Variants in PBX1 observed in about 807,000 individuals in gnomAD.
The protein encoded by PBX1 is pre-B-cell leukemia transcription factor 1.
Under a neutral mutation model 53.4 loss-of-function variants are expected in PBX1, and 6 were observed. The observed-to-expected ratio is 0.11, with a 90% CI of 0.06 to 0.22. The LOEUF (loss-of-function observed/expected upper bound fraction) is 0.22, where lower values mean the gene tolerates loss of function less well. Ranked by LOEUF, PBX1 falls within the 10% of genes least tolerant of loss-of-function variation. PBX1 has a pLI of 1.00. For missense variants in PBX1, 251 were observed against 551.4 expected (o/e 0.46, Z 5.46); for synonymous variants, 204 against 212.3 (o/e 0.96, Z 0.34).
At chr1:164,663,271 TG>T (rs559631141) in intron 2 of PBX1, among the ~76,000 whole-genome samples, 14 of 151,728 alleles carry the variant, frequency 9.2e-5, no homozygotes, top group African/African-American at 3.2e-4. Flanking sequence ...CCTGCCTGCC[TG>T]CCTGCCTGCC....
chr1:164,593,154 C>T (rs1186353060), intron 2 of PBX1, among the ~76,000 whole-genome samples: 2 of 151,972 alleles, frequency 1.3e-5, no homozygotes, highest in Admixed American at 6.6e-5. Context: ...GATGGGGTTT[C>T]GCCATGTTGC....
chr1:164,683,187 G>A (rs1164561365), intron 2 of PBX1: 1 of 152,154 alleles, frequency 6.6e-6, no homozygotes, highest in Admixed American at 6.5e-5. Context: ...TTGTGTGGTG[G>A]TGTATAGCTT....
chr1:164,760,111 T>C (rs1297867441), intron 2 of PBX1, among the ~76,000 whole-genome samples: 1 of 152,154 alleles, frequency 6.6e-6, no homozygotes, highest in African/African-American at 2.4e-5. Flanking sequence ...TTAAGTATAG[T>C]TTTACACTTT....
intron 8 of PBX1, among the ~76,000 whole-genome samples, chr1:164,835,708 G>A (rs564532514): frequency 4.5e-4 from 68 of 152,168 alleles, no homozygotes; most frequent in African/African-American, 1.6e-3. Context: ...AGTAAATAGA[G>A]GAAATTCTAT....
intron 2 of PBX1, among the ~76,000 whole-genome samples, chr1:164,717,991 GAAT>G (rs1202892834): frequency 6.6e-6 from 1 of 152,146 alleles, no homozygotes; most frequent in African/African-American, 2.4e-5. Context: ...TTCTCAAAAA[GAAT>G]ATCAGGGCAA....
At position 164,797,320 on chromosome 1, in the gene PBX1, G is replaced by A. The variant is rs548276622; in HGVS notation, c.511-2379G>A. Among the ~76,000 whole-genome samples the A allele has an allele frequency of 5.3e-4, 81 of 152,312 alleles. 1 individual carries two copies. In the South Asian group the frequency reaches 0.017, roughly 31 times the overall value. On this transcript the variant is annotated intron_variant, in intron 3 of 8. Transcript: ENST00000420696. ...CCTCCTCTCTTTGAGCCCAGACGAG[G>A]TGGGGAGGCTGCAGCCCGGCGGGAG...
intron 6 of PBX1, 142 bp downstream of exon 6, chr1:164,812,291 A>G: frequency 1.2e-6 from 1 of 820,880 alleles, no homozygotes; most frequent in Non-Finnish European, 1.8e-6. Context: ...TTGGATGTTA[A>G]TGTCACTTTG....
At chr1:164,883,240 G>A (rs1487893926) in intron 2 of PBX1, among the ~76,000 whole-genome samples, 1 of 152,110 alleles carries the variant, frequency 6.6e-6, no homozygotes, top group Non-Finnish European at 1.5e-5. Flanking sequence ...CCAATTCTAT[G>A]TACCAACATG....
intron 2 of PBX1, among the ~76,000 whole-genome samples, chr1:164,742,307 C>T (rs1255096332): frequency 2.0e-5 from 3 of 152,062 alleles, no homozygotes; most frequent in Non-Finnish European, 4.4e-5. Context: ...TTTGTGAGGC[C>T]GAGGCCATTG....
chr1:164,673,441 T>C (rs1557932734), intron 2 of PBX1, among the ~76,000 whole-genome samples: 1 of 151,760 alleles, frequency 6.6e-6, no homozygotes, highest in Non-Finnish European at 1.5e-5. Context: ...TCTCTGGCAT[T>C]TTTTTCTTCT....
chr1:164,581,912 A>G (rs910019409), intron 2 of PBX1, among the ~76,000 whole-genome samples: 3 of 152,054 alleles, frequency 2.0e-5, no homozygotes, highest in Admixed American at 6.5e-5. Context: ...TAAATTTTCC[A>G]TGTCTTGGGG....
intron 8 of PBX1, chr1:164,828,679 T>C (rs1670594128): frequency 6.7e-6 from 1 of 149,960 alleles, no homozygotes; most frequent in South Asian, 2.1e-4. Context: ...AGGGATAGGT[T>C]TTTTTTTTTA....
chr1:164,726,296 A>T (rs944901218), intron 2 of PBX1, among the ~76,000 whole-genome samples: 7 of 152,182 alleles, frequency 4.6e-5, no homozygotes, highest in Non-Finnish European at 1.0e-4. Flanking sequence ...TTTCCCTGCC[A>T]TGGGTTTAGT....
intron 2 of PBX1, among the ~76,000 whole-genome samples, chr1:164,584,781 G>C (rs936924321): frequency 6.6e-6 from 1 of 151,938 alleles, no homozygotes; most frequent in Non-Finnish European, 1.5e-5. Flanking sequence ...GGAGGTGAGG[G>C]GGCAGCTGCT....
chr1:164,839,845 G>C (rs1671210389), intron 8 of PBX1, among the ~76,000 whole-genome samples: 1 of 152,046 alleles, frequency 6.6e-6, no homozygotes, highest in South Asian at 2.1e-4. Flanking sequence ...CCAGACTAGA[G>C]AGGAGTGTGG....
chr1:164,724,932 A>C (rs1664619074), intron 2 of PBX1, among the ~76,000 whole-genome samples: 1 of 151,988 alleles, frequency 6.6e-6, no homozygotes, highest in Non-Finnish European at 1.5e-5. Flanking sequence ...TCTGCAGACA[A>C]TTGCTCGGAT....
At chr1:164,598,180 C>T (rs959638690) in intron 2 of PBX1, among the ~76,000 whole-genome samples, 9 of 152,140 alleles carry the variant, frequency 5.9e-5, no homozygotes, top group Non-Finnish European at 1.0e-4. Context: ...TGTATCCATT[C>T]GTGAGGGCAG....
chr1:164,863,666 A>G (rs776337499), intron 2 of PBX1, among the ~76,000 whole-genome samples: 3 of 152,200 alleles, frequency 2.0e-5, no homozygotes, highest in Non-Finnish European at 1.5e-5. Context: ...AAACTGACAA[A>G]TTAGTTAAAT....
intron 2 of PBX1, among the ~76,000 whole-genome samples, chr1:164,732,622 G>A (rs1301930173): frequency 2.0e-5 from 3 of 151,940 alleles, no homozygotes; most frequent in Non-Finnish European, 2.9e-5. Flanking sequence ...AATTACTTTC[G>A]CACCAACCTA....
Sources: allele counts gnomAD v4.1 joint callset (sites outside exome capture counted in the v4.1 genomes callset), GRCh38; gene constraint gnomAD v4.1.1; transcripts MANE v1.5; gene names NCBI Gene and HGNC (gene_info 2026-07-23, HGNC 2026-07-21).